Variants in PIK3C2A observed in about 807,000 individuals in gnomAD.
PIK3C2A encodes phosphatidylinositol-4-phosphate 3-kinase catalytic subunit type 2 alpha, also known as phosphatidylinositol 4-phosphate 3-kinase C2 domain-containing subunit alpha.
In PIK3C2A, 97 loss-of-function variants were observed where a neutral mutation model predicts 204.5. The observed-to-expected ratio is 0.47, with a 90% CI of 0.40 to 0.56. The LOEUF (loss-of-function observed/expected upper bound fraction) is 0.56, where lower values mean the gene tolerates loss of function less well. Among genes scored for constraint, PIK3C2A ranks in the 20% least tolerant of loss-of-function variants. The probability of loss-of-function intolerance (pLI) is 0.00; values close to 1 mark genes in which losing one functional copy is unlikely to be tolerated. For missense variants in PIK3C2A, 1,735 were observed against 1,969.2 expected, an observed-to-expected ratio of 0.88 and a Z score of 2.25; for synonymous variants, 653 against 664.4, an observed-to-expected ratio of 0.98 and a Z score of 0.26.
At chr11:17,141,513 T>C (rs1004929593) in intron 8 of PIK3C2A, 1 of 152,172 alleles carries the variant, frequency 6.6e-6, no homozygotes, top group African/African-American at 2.4e-5. Context: ...AAATACAAAG[T>C]TCCCATATAA....
chr11:17,093,290 G>A (rs926766914), intron 28 of PIK3C2A, among the ~76,000 whole-genome samples: 6 of 152,096 alleles, frequency 3.9e-5, no homozygotes, highest in East Asian at 1.9e-4. Context: ...TTTTTGAGAC[G>A]GAGTCTCGCT....
Position 17,168,994 on chromosome 11 carries a change from C to T in PIK3C2A, c.748G>A (p.Asp250Asn). Reference protein sequence around the residue: ...GKARTDLEITDSKVSNLQVSP... With the variant: ...GKARTDLEITNSKVSNLQVSP... ...ACCTGTAGATTGCTGACTTTTGAATCTGTTATCTCCAAATCAGTCCTTGCT... is the reference window on the plus strand; with the variant it reads ...ACCTGTAGATTGCTGACTTTTGAATTTGTTATCTCCAAATCAGTCCTTGCT... The change falls in exon 2 of 33, where the codon GAT becomes AAT. Residue 250 changes from aspartate (D) to asparagine (N), a missense_variant. Physicochemically the swap from Asp to Asn is conservative, Grantham distance 23. Transcript: ENST00000691414. The T allele has an allele frequency of 6.2e-7, 1 of 1,613,538 alleles. No homozygotes were observed. Among genetic ancestry groups the T allele is most frequent in the Non-Finnish European group, 8.5e-7 (1 of 1,179,854 alleles).
At chr11:17,107,550 G>T (rs758323389) in intron 22 of PIK3C2A, among the ~76,000 whole-genome samples, 1 of 152,024 alleles carries the variant, frequency 6.6e-6, no homozygotes, top group Non-Finnish European at 1.5e-5. Flanking sequence ...GTGGAAAGAC[G>T]GTACCTAGAA....
intron 1 of PIK3C2A, among the ~76,000 whole-genome samples, chr11:17,178,395 C>G (rs186190486): frequency 1.4e-4 from 22 of 152,118 alleles, no homozygotes; most frequent in Non-Finnish European, 1.9e-4. Context: ...GAACAAAAAA[C>G]ATGGTGAACA....
chr11:17,133,386 G>A lies in PIK3C2A; in HGVS notation c.2109-1348C>T, dbSNP rs61173375. Among the ~76,000 whole-genome samples, 464 of 151,958 alleles carry A rather than the reference G, an allele frequency of 3.1e-3. 3 individuals carry two copies. The highest frequency in any genetic ancestry group is 0.011 in the African/African-American group (436 of 41,442). On this transcript the variant is annotated intron_variant, in intron 11 of 32. Transcript: ENST00000691414. ...TCCAGAAGAGTACAGGTTTTTTGCCGCCTTGTACTACTGAATCCCCGGTAC... is the reference window on the plus strand; with the variant it reads ...TCCAGAAGAGTACAGGTTTTTTGCCACCTTGTACTACTGAATCCCCGGTAC...
intron 12 of PIK3C2A, among the ~76,000 whole-genome samples, 182 bp from the exon 13 acceptor site, chr11:17,129,649 T>A (rs1849634659): frequency 1.3e-5 from 2 of 152,264 alleles, no homozygotes; most frequent in South Asian, 4.1e-4. Flanking sequence ...TGGAGTGCAA[T>A]GGCACGATCT....
chr11:17,121,482 A>T (rs1409118350), intron 15 of PIK3C2A, among the ~76,000 whole-genome samples: 2 of 152,192 alleles, frequency 1.3e-5, no homozygotes, highest in African/African-American at 4.8e-5. Flanking sequence ...ATAAGCAAAT[A>T]TAAAAGAGTT....
intron 26 of PIK3C2A, among the ~76,000 whole-genome samples, chr11:17,099,011 T>A (rs886541822): frequency 1.3e-5 from 2 of 152,224 alleles, no homozygotes; most frequent in Admixed American, 6.5e-5. Flanking sequence ...TTCTCCTGTC[T>A]CAGTCTCCTG....
intron 23 of PIK3C2A, among the ~76,000 whole-genome samples, chr11:17,103,147 C>CT (rs1453581114): frequency 6.6e-6 from 1 of 151,502 alleles, no homozygotes; most frequent in Non-Finnish European, 1.5e-5. Context: ...CTGCACCTCT[C>CT]TGACTCTGCT....
At chr11:17,135,296 T>A in intron 9 of PIK3C2A, 137 bp from the exon 10 acceptor site, 1 of 830,392 alleles carries the variant, frequency 1.2e-6, no homozygotes, top group Non-Finnish European at 1.9e-6. Context: ...GATAAATAAA[T>A]AATGCAAAAA....
In PIK3C2A at chr11:17,168,860, A is replaced by G. The variant is rs753601095; in HGVS notation, c.882T>C (p.Asn294=). The stretch of plus-strand genomic sequence containing the variant: ...GATCCTTTGCTAGCAAACTTGAAAC[A>G]TTTTTCTCTTCCTCATGGTCTAATA... ...VEVLDHEEEK[N]VSSLLAKDPW... is the part of the protein sequence containing the mutation. Residue 294 remains asparagine, a synonymous_variant, in exon 2 of 33, where the codon AAT becomes AAC. Coordinates refer to ENST00000691414, the MANE Select transcript of PIK3C2A (RefSeq NM_002645.4). 3.1e-6 allele frequency: 5 copies of G among 1,613,996 alleles called. No homozygotes were observed. The East Asian group carries it at 6.7e-5, about 22-fold the overall frequency.
chr11:17,129,154 G>A, intron 13 of PIK3C2A, 146 bp downstream of exon 13: 1 of 624,420 alleles, frequency 1.6e-6, no homozygotes, highest in Non-Finnish European at 2.9e-6. Context: ...CTGTGTCTCT[G>A]AACTGACCTC....
At chr11:17,136,454 TA>T in intron 9 of PIK3C2A, 27 bp downstream of exon 9, 1 of 1,556,052 alleles carries the variant, frequency 6.4e-7, no homozygotes, top group Non-Finnish European at 8.8e-7. Context: ...TTGCATGTAA[TA>T]AAATCCTAGT....
At chr11:17,131,892 T>C (rs1229695239) in intron 12 of PIK3C2A, 24 bp downstream of exon 12, 2 of 1,593,092 alleles carry the variant, frequency 1.3e-6, no homozygotes, top group African/African-American at 2.7e-5. Flanking sequence ...ACTGAAAGAA[T>C]AAAAAGCCAG....
At chr11:17,139,916 G>C (rs1321605035) in intron 8 of PIK3C2A, among the ~76,000 whole-genome samples, 1 of 152,084 alleles carries the variant, frequency 6.6e-6, no homozygotes, top group Non-Finnish European at 1.5e-5. Context: ...AGATTCAACA[G>C]TCCTCAATTT....
chr11:17,159,217 A>C (rs995666873), intron 2 of PIK3C2A, among the ~76,000 whole-genome samples: 11 of 152,200 alleles, frequency 7.2e-5, no homozygotes, highest in Admixed American at 1.3e-4. Context: ...ATACACATTC[A>C]CATCTTGTCT....
intron 1 of PIK3C2A, among the ~76,000 whole-genome samples, chr11:17,187,623 A>G (rs1851798817): frequency 1.3e-5 from 2 of 152,166 alleles, no homozygotes; most frequent in African/African-American, 4.8e-5. Context: ...CTAAAAGAAA[A>G]GTAAGGAATT....
intron 13 of PIK3C2A, 112 bp from the exon 14 acceptor site, chr11:17,122,925 A>G: frequency 1.7e-6 from 1 of 591,798 alleles, no homozygotes; most frequent in South Asian, 2.3e-5. Context: ...AATAAAAAGG[A>G]TATCTTTAAG....
rs374767404 is a variant in PIK3C2A, at chr11:17,113,430, T to C, written c.3322-764A>G. ...CTCCATTCTTCTGTTTATGGTACTA[T>C]TGTAATTAATTAGCCATGGAAGTAT... On this transcript the variant is annotated intron_variant, in intron 20 of 32. Transcript: ENST00000691414. Among the ~76,000 whole-genome samples the C allele has an allele frequency of 3.7e-4, 57 of 152,168 alleles. 1 individual carries two copies. The South Asian group carries it at 0.011, about 30-fold the overall frequency.
Sources: allele counts gnomAD v4.1 joint callset (sites outside exome capture counted in the v4.1 genomes callset), GRCh38; gene constraint gnomAD v4.1.1; transcripts MANE v1.5; gene names NCBI Gene and HGNC (gene_info 2026-07-23, HGNC 2026-07-21).